The following CHD7 variants were observed in gnomAD, a reference collection of about 807,000 sequenced individuals.
CHD7 encodes the protein chromodomain helicase DNA binding protein 7, also known as ATP-dependent chromatin remodeler CHD7.
Under a neutral mutation model 307.3 loss-of-function variants are expected in CHD7, and 24 were observed. The ratio of observed to expected loss-of-function variants is 0.08; its 90% confidence interval spans 0.06 to 0.11. CHD7 has a LOEUF of 0.11. CHD7 is among the 10% of genes least tolerant of loss of function. The pLI is 1.00. For synonymous variants in CHD7, 1,363 were observed against 1,349.9 expected, an observed-to-expected ratio of 1.01 and a Z score of -0.21; for missense variants, 3,106 against 3,727.1, an observed-to-expected ratio of 0.83 and a Z score of 4.34.
intron 1 of CHD7, among the ~76,000 whole-genome samples, chr8:60,690,475 A>C (rs917346636): frequency 6.6e-6 from 1 of 152,018 alleles, no homozygotes; most frequent in Non-Finnish European, 1.5e-5. Context: ...CCACTTATTA[A>C]AAAAAATAAA....
At chr8:60,697,516 A>G (rs1382649875) in intron 1 of CHD7, among the ~76,000 whole-genome samples, 1 of 152,244 alleles carries the variant, frequency 6.6e-6, no homozygotes, top group Non-Finnish European at 1.5e-5. Flanking sequence ...GGTTGTTGGT[A>G]ACATAAGACT....
chr8:60,686,989 C>T (rs1381468391), intron 1 of CHD7, among the ~76,000 whole-genome samples: 1 of 152,114 alleles, frequency 6.6e-6, no homozygotes, highest in Non-Finnish European at 1.5e-5. Flanking sequence ...CAATACTGTC[C>T]AGGCTGGATT....
intron 26 of CHD7, 61 bp downstream of exon 26, chr8:60,850,683 G>C (rs1454651329): frequency 1.4e-5 from 21 of 1,532,340 alleles, no homozygotes; most frequent in Non-Finnish European, 1.5e-5. Context: ...TATTGGCAGG[G>C]TTCAGTTCTT....
chr8:60,822,256 T>C, intron 11 of CHD7, 111 bp downstream of exon 11: 2 of 944,282 alleles, frequency 2.1e-6, no homozygotes, highest in Non-Finnish European at 3.0e-6. Flanking sequence ...AAGAGCTTTT[T>C]CAAAAAACAA....
intron 13 of CHD7, among the ~76,000 whole-genome samples, chr8:60,826,683 A>G (rs1228398217): frequency 6.6e-6 from 1 of 152,206 alleles, no homozygotes; most frequent in South Asian, 2.1e-4. Flanking sequence ...AAGATGATAC[A>G]TTGAGGGGCA....
chr8:60,841,406 T>C (rs1161948691), intron 19 of CHD7, among the ~76,000 whole-genome samples: 1 of 152,226 alleles, frequency 6.6e-6, no homozygotes, highest in East Asian at 1.9e-4. Flanking sequence ...TCACTTGCAC[T>C]GGTCTATACA....
chr8:60,861,214 C>A, intron 35 of CHD7, 89 bp downstream of exon 35: 1 of 978,584 alleles, frequency 1.0e-6, no homozygotes, highest in Non-Finnish European at 1.5e-6. Context: ...GACAGCTGGT[C>A]CCTCTGCCTT....
In CHD7 at chr8:60,741,759, C is replaced by T. The variant is rs1251905425; in HGVS notation, c.327C>T (p.Pro109=). ...ASPHSQYHTP[P]VPQVPHGGSG... is the part of the protein sequence containing the mutation. ...CGCACTCGCAGTATCACACCCCTCC[C>T]GTTCCTCAGGTGCCCCATGGTGGCA... The change falls in exon 2 of 38, where the codon CCC becomes CCT. Residue 109 remains proline (P), a synonymous_variant. Transcript: ENST00000423902. 5 of 1,613,910 alleles carry T rather than the reference C, an allele frequency of 3.1e-6. No individual in the cohort carries two copies. Among genetic ancestry groups the T allele is most frequent in the African/African-American group, 1.3e-5 (1 of 75,052 alleles).
intron 28 of CHD7, among the ~76,000 whole-genome samples, 181 bp from the exon 29 acceptor site, chr8:60,851,838 G>C (rs980261435): frequency 5.9e-5 from 9 of 152,126 alleles, no homozygotes; most frequent in Non-Finnish European, 1.0e-4. Flanking sequence ...AGGTAAAAAA[G>C]AAATAAGTGT....
At chr8:60,844,424 C>G (rs1004400714) in intron 21 of CHD7, among the ~76,000 whole-genome samples, 1 of 152,184 alleles carries the variant, frequency 6.6e-6, no homozygotes, top group Non-Finnish European at 1.5e-5. Flanking sequence ...TGCGGCCATA[C>G]TGCTCAGCAT....
In CHD7 at chr8:60,807,869, T is replaced by A. The variant is rs575666785; in HGVS notation, c.2443-348T>A. Among the ~76,000 whole-genome samples the A allele has an allele frequency of 2.0e-5, 3 of 152,386 alleles. No individual in the cohort carries two copies. The South Asian group carries it at 6.2e-4, about 32-fold the overall frequency. On this transcript the variant is annotated intron_variant, in intron 6 of 37. Coordinates refer to ENST00000423902, the MANE Select transcript of CHD7 (RefSeq NM_017780.4). ...AGGAGAGCAGTTGCTAATTGGCTGC[T>A]GCCTGAGAAAATGGTACACTTGGCG...
intron 1 of CHD7, among the ~76,000 whole-genome samples, chr8:60,712,706 C>T (rs1446036294): frequency 1.3e-5 from 2 of 152,148 alleles, no homozygotes; most frequent in African/African-American, 4.8e-5. Flanking sequence ...CACTTGAGGT[C>T]AGGAGTTCGA....
intron 3 of CHD7, among the ~76,000 whole-genome samples, chr8:60,789,234 G>A (rs888039035): frequency 9.2e-5 from 14 of 152,142 alleles, no homozygotes; most frequent in Non-Finnish European, 1.0e-4. Flanking sequence ...ATCACATTCT[G>A]TGTGGCATCC....
chr8:60,862,233 C>G lies in CHD7; in HGVS notation c.7868C>G (p.Pro2623Arg). Residue 2623 changes from proline to arginine, a missense_variant, in exon 36 of 38, where the codon CCG becomes CGG. Physicochemically the swap from Pro to Arg is moderately radical, Grantham distance 103. Transcript: ENST00000423902. Reference sequence around the variant, plus strand: ...GTGCTGTTTTCCTCATTTCAGAAACCGAAACAGAAACGACATAGATGTCGA... The same window carrying G: ...GTGCTGTTTTCCTCATTTCAGAAACGGAAACAGAAACGACATAGATGTCGA... ...ADVLFSSFQKPKQKRHRCRNP... is the reference protein window; with the variant it reads ...ADVLFSSFQKRKQKRHRCRNP... 1 of 1,611,044 alleles carries G rather than the reference C, an allele frequency of 6.2e-7. No homozygotes were observed. Among genetic ancestry groups the G allele is most frequent in the South Asian group, 1.1e-5 (1 of 90,410 alleles).
chr8:60,770,116 G>T (rs776602587), intron 2 of CHD7, among the ~76,000 whole-genome samples: 1 of 152,186 alleles, frequency 6.6e-6, no homozygotes, highest in African/African-American at 2.4e-5. Flanking sequence ...TAACCACTGC[G>T]TACATACACA....
chr8:60,743,929 G>A (rs962871288), intron 2 of CHD7, among the ~76,000 whole-genome samples: 2 of 152,184 alleles, frequency 1.3e-5, no homozygotes, highest in African/African-American at 4.8e-5. Context: ...TTTTTGGGGT[G>A]CACAGTAGCT....
intron 1 of CHD7, among the ~76,000 whole-genome samples, chr8:60,679,949 A>C (rs1283895565): frequency 6.6e-6 from 1 of 151,566 alleles, no homozygotes; most frequent in Non-Finnish European, 1.5e-5. Flanking sequence ...GGCGGCTCCC[A>C]AGTGCGCTAG....
chr8:60,742,122 A>C lies in CHD7; in HGVS notation c.690A>C (p.Ser230=). ...AGGGAAATCCTTTTATTGCCACCTC[A>C]GGACCTGGCCACTTGTCCCACGTGC... ...LNQGNPFIAT[S]GPGHLSHVPQ... The change falls in exon 2 of 38, where the codon TCA becomes TCC. Residue 230 remains serine, a synonymous_variant. Coordinates refer to ENST00000423902, the MANE Select transcript of CHD7 (RefSeq NM_017780.4). 1 of 1,613,872 alleles carries C rather than the reference A, an allele frequency of 6.2e-7. No individual in the cohort carries two copies. The highest frequency in any genetic ancestry group is 2.2e-5 in the East Asian group (1 of 44,876).
chr8:60,778,405 T>C (rs1457875127), intron 2 of CHD7, among the ~76,000 whole-genome samples: 1 of 152,242 alleles, frequency 6.6e-6, no homozygotes, highest in Non-Finnish European at 1.5e-5. Context: ...AATTTTTTAC[T>C]GAGTTACTAA....
Sources: gnomAD v4.1 joint callset for allele counts (sites outside exome capture counted in the v4.1 genomes callset) on GRCh38, gnomAD v4.1.1 for gene constraint, MANE v1.5 for transcripts, NCBI Gene and HGNC (gene_info 2026-07-23, HGNC 2026-07-21) for gene names.